KCNK2: variants seen among roughly 807,000 people sequenced by gnomAD.
KCNK2 encodes potassium two pore domain channel subfamily K member 2.
A neutral mutation model predicts 40.5 loss-of-function variants in KCNK2; 21 were observed. That is an observed-to-expected ratio of 0.52 (90% CI 0.37 to 0.75). KCNK2 has a LOEUF of 0.75. Among genes scored for constraint, KCNK2 ranks in the 30% least tolerant of loss-of-function variants. The pLI, the probability that KCNK2 is intolerant of heterozygous loss-of-function variation, is 0.00. For missense variants in KCNK2, 399 were observed against 531.6 expected, an observed-to-expected ratio of 0.75 and a Z score of 2.45; for synonymous variants, 191 against 202.2, an observed-to-expected ratio of 0.94 and a Z score of 0.47.
At chr1:215,052,773 A>G (rs1337187281) in intron 1 of KCNK2, among the ~76,000 whole-genome samples, 1 of 152,174 alleles carries the variant, frequency 6.6e-6, no homozygotes, top group Non-Finnish European at 1.5e-5. Flanking sequence ...CAATGAGAGA[A>G]TAGTATTTAT....
intron 2 of KCNK2, among the ~76,000 whole-genome samples, chr1:215,093,057 C>A (rs1028735745): frequency 6.6e-6 from 1 of 151,984 alleles, no homozygotes; most frequent in African/African-American, 2.4e-5. Context: ...ACTGAAGATA[C>A]ACATTTGGAA....
chr1:215,197,477 T>C (rs1571718353), intron 6 of KCNK2, among the ~76,000 whole-genome samples: 3 of 152,130 alleles, frequency 2.0e-5, no homozygotes, highest in African/African-American at 7.2e-5. Context: ...CGTGTGAGCA[T>C]GCACACTCTG....
intron 6 of KCNK2, among the ~76,000 whole-genome samples, chr1:215,224,391 A>G (rs1666302110): frequency 1.3e-5 from 2 of 152,160 alleles, no homozygotes; most frequent in African/African-American, 4.8e-5. Context: ...CATGGCTCAA[A>G]AACAGCAGAG....
At chr1:215,183,565 A>G (rs1664313567) in intron 5 of KCNK2, among the ~76,000 whole-genome samples, 1 of 152,132 alleles carries the variant, frequency 6.6e-6, no homozygotes, top group Non-Finnish European at 1.5e-5. Flanking sequence ...TTTCGCAATT[A>G]TATTTCCCAC....
chr1:215,185,422 C>T (rs76289016), intron 5 of KCNK2, among the ~76,000 whole-genome samples: 65 of 152,162 alleles, frequency 4.3e-4, no homozygotes, highest in Non-Finnish European at 7.9e-4. Context: ...GATGTGGCAA[C>T]GGCTGGGTAG....
chr1:215,188,693 A>G (rs1311400608), intron 5 of KCNK2, among the ~76,000 whole-genome samples: 1 of 152,158 alleles, frequency 6.6e-6, no homozygotes, highest in African/African-American at 2.4e-5. Flanking sequence ...GCCAGGTATT[A>G]AAATTGCTAT....
Position 215,083,351 on chromosome 1 carries a change from C to G in KCNK2, c.-35C>G. The G allele has an allele frequency of 6.2e-7, 1 of 1,614,134 alleles. No homozygotes were observed. Among genetic ancestry groups the G allele is most frequent in the East Asian group, 2.2e-5 (1 of 44,840 alleles). On this transcript the variant is annotated 5_prime_UTR_variant, in exon 1 of 7. Transcript: ENST00000444842. The stretch of plus-strand genomic sequence containing the variant: ...TTGTAAAAAAAAGCTTCAAGTCCGT[C>G]TTTTTCAAAAAACATTTTGAATGCT...
intron 6 of KCNK2, among the ~76,000 whole-genome samples, chr1:215,225,452 C>G (rs1389443535): frequency 6.6e-6 from 1 of 152,134 alleles, no homozygotes; most frequent in Non-Finnish European, 1.5e-5. Flanking sequence ...AAATTATTGA[C>G]TTTTATCAAA....
intron 3 of KCNK2, among the ~76,000 whole-genome samples, chr1:215,147,185 T>C (rs2102607580): frequency 6.6e-6 from 1 of 152,284 alleles, no homozygotes; most frequent in East Asian, 1.9e-4. Context: ...CAGAGCCTCA[T>C]ATAGCTTGCG....
At chr1:215,018,545 C>G (rs1656671266) in intron 1 of KCNK2, among the ~76,000 whole-genome samples, 1 of 152,038 alleles carries the variant, frequency 6.6e-6, no homozygotes, top group Non-Finnish European at 1.5e-5. Flanking sequence ...TCAAGGAACT[C>G]CTCTTTAAAA....
intron 3 of KCNK2, among the ~76,000 whole-genome samples, chr1:215,165,007 A>C (rs1663378397): frequency 6.6e-6 from 1 of 152,204 alleles, no homozygotes; most frequent in South Asian, 2.1e-4. Flanking sequence ...CTTACTATGC[A>C]TGTACATTTG....
intron 1 of KCNK2, among the ~76,000 whole-genome samples, chr1:215,042,996 A>G (rs537654356): frequency 8.2e-4 from 125 of 152,268 alleles, no homozygotes; most frequent in Non-Finnish European, 1.5e-3. Context: ...GTTTATTGCT[A>G]TGCAGCCTCT....
chr1:215,050,482 T>G (rs975145234), intron 1 of KCNK2, among the ~76,000 whole-genome samples: 1 of 152,136 alleles, frequency 6.6e-6, no homozygotes, highest in East Asian at 1.9e-4. Context: ...AACAAATAGA[T>G]AAAGTTCCTG....
intron 1 of KCNK2, among the ~76,000 whole-genome samples, chr1:215,070,604 G>T (rs918678011): frequency 2.0e-5 from 3 of 152,008 alleles, no homozygotes; most frequent in African/African-American, 7.3e-5. Flanking sequence ...GATTTTGTGA[G>T]ACTTATTCAC....
intron 2 of KCNK2, among the ~76,000 whole-genome samples, chr1:215,116,496 C>T (rs1189319856): frequency 1.3e-5 from 2 of 151,906 alleles, no homozygotes; most frequent in Non-Finnish European, 2.9e-5. Context: ...ATCTGTTGTT[C>T]CCTGCTTTGG....
chr1:215,182,031 G>T (rs575096161), intron 5 of KCNK2, among the ~76,000 whole-genome samples: 33 of 152,274 alleles, frequency 2.2e-4, no homozygotes, highest in Admixed American at 8.5e-4. Flanking sequence ...ATACAGGGAT[G>T]GGGGAGATCT....
intron 3 of KCNK2, among the ~76,000 whole-genome samples, chr1:215,140,761 C>G (rs1662138014): frequency 6.6e-6 from 1 of 152,190 alleles, no homozygotes; most frequent in Admixed American, 6.5e-5. Flanking sequence ...GTGCACAATA[C>G]TGTAGACTTT....
At chr1:215,200,759 AT>A (rs1158278585) in intron 6 of KCNK2, among the ~76,000 whole-genome samples, 19 of 152,180 alleles carry the variant, frequency 1.2e-4, no homozygotes, top group Admixed American at 1.2e-3. Flanking sequence ...AAGGAACAGA[AT>A]TTGGTAACCC....
At chr1:215,026,963 CT>C (rs1410618634) in intron 1 of KCNK2, among the ~76,000 whole-genome samples, 2 of 151,964 alleles carry the variant, frequency 1.3e-5, no homozygotes, top group Non-Finnish European at 2.9e-5. Flanking sequence ...GGATTTATAG[CT>C]TTCATGGGCT....
Sources: gnomAD v4.1 joint callset for allele counts (sites outside exome capture counted in the v4.1 genomes callset) on GRCh38, gnomAD v4.1.1 for gene constraint, MANE v1.5 for transcripts, NCBI Gene and HGNC (gene_info 2026-07-23, HGNC 2026-07-21) for gene names.